OR10A2: variants seen among roughly 807,000 people sequenced by gnomAD.
OR10A2 encodes the protein olfactory receptor 10A2.
In OR10A2, 15 loss-of-function variants were observed where a neutral mutation model predicts 13.7. The ratio of observed to expected loss-of-function variants is 1.10; its 90% CI spans 0.73 to 1.69. The LOEUF (loss-of-function observed/expected upper bound fraction) is 1.69, where lower values mean the gene tolerates loss of function less well. Ranked by LOEUF, OR10A2 falls within the 40% of genes most tolerant of loss-of-function variation. OR10A2 has a pLI of 0.00. For missense variants in OR10A2, 343 were observed against 361.1 expected (o/e 0.95, Z 0.41); for synonymous variants, 145 against 144.7 (o/e 1.00, Z -0.02).
intron 1 of OR10A2, among the ~76,000 whole-genome samples, chr11:6,864,289 T>TA (rs1383386163): frequency 1.4e-5 from 2 of 143,398 alleles, no homozygotes; most frequent in Non-Finnish European, 1.5e-5. Context: ...GGCTTCTAGT[T>TA]AAAGTGCGGT....
chr11:6,871,888 A>C lies in OR10A2; in HGVS notation c.*1222A>C, dbSNP rs1393387328. 1.3e-5 allele frequency: 2 copies of C among 152,196 alleles called. No individual in the cohort carries two copies. The highest frequency in any genetic ancestry group is 2.1e-4 in the South Asian group (1 of 4,826). 9.4% of individuals were successfully genotyped at this position (152,196 alleles called of 1,614,324 possible). ...GTGTACCTGACAAATAGAAATCTAGAAATTGAGTTTCTTGGGCAAAAGTTA... is the reference window on the plus strand; with the variant it reads ...GTGTACCTGACAAATAGAAATCTAGCAATTGAGTTTCTTGGGCAAAAGTTA... On this transcript the variant is annotated 3_prime_UTR_variant, in exon 2 of 2. Coordinates refer to ENST00000641461, the MANE Select transcript of OR10A2 (RefSeq NM_001004460.2).
rs1342281488 is a variant in OR10A2, at chr11:6,869,679, C to A, written c.-76C>A. 4 of 1,212,878 alleles carry A rather than the reference C, an allele frequency of 3.3e-6. No homozygotes were observed. Among genetic ancestry groups the A allele is most frequent in the Admixed American group, 4.0e-5 (2 of 50,458 alleles). 75.1% of individuals were successfully genotyped at this position (1,212,878 alleles called of 1,614,324 possible). ...CTGACTTCCAATCAATAATCTTTCT[C>A]CATGACCACAGTTGGGGACTTCTGC... On this transcript the variant is annotated 5_prime_UTR_variant, in exon 2 of 2. Coordinates refer to ENST00000641461, the MANE Select transcript of OR10A2 (RefSeq NM_001004460.2).
chr11:6,869,567 A>C (rs1257732630), intron 1 of OR10A2, 56 bp from the exon 2 acceptor site: 18 of 629,050 alleles, frequency 2.9e-5, no homozygotes, highest in Non-Finnish European at 4.5e-5. Context: ...TTATTCTTAG[A>C]CAACCCAAGG....
Position 6,870,659 on chromosome 11 carries a change from T to A in OR10A2, c.905T>A (p.Ile302Asn). 2 of 1,570,858 alleles carry A rather than the reference T, an allele frequency of 1.3e-6. No homozygotes were observed. The highest frequency in any genetic ancestry group is 1.7e-6 in the Non-Finnish European group (2 of 1,161,408). Residue 302 changes from isoleucine to asparagine, a missense_variant, in exon 2 of 2, where the codon ATC becomes AAC. Coordinates refer to ENST00000641461, the MANE Select transcript of OR10A2 (RefSeq NM_001004460.2). ...AAGGCCCTAGCCCTCAGAAACTGTA[T>A]CCCATAGACCTTAGGAAGTAAGGCT... ...VSKALALRNC[I>N]P
intron 1 of OR10A2, among the ~76,000 whole-genome samples, chr11:6,865,046 T>C (rs1374593035): frequency 6.9e-6 from 1 of 145,580 alleles, no homozygotes; most frequent in Non-Finnish European, 1.5e-5. Context: ...TGAACATTTA[T>C]GTTCATCTTA....
intron 1 of OR10A2, among the ~76,000 whole-genome samples, chr11:6,867,334 C>T (rs1326728017): frequency 1.3e-5 from 2 of 152,080 alleles, no homozygotes; most frequent in African/African-American, 4.8e-5. Flanking sequence ...GCCTCAGCCT[C>T]CCAAGTAGCT....
chr11:6,869,182 T>C (rs926292967), intron 1 of OR10A2, among the ~76,000 whole-genome samples: 9 of 152,222 alleles, frequency 5.9e-5, no homozygotes, highest in African/African-American at 2.2e-4. Context: ...CATATGTAAA[T>C]GGTCCTCAAT....
chr11:6,865,448 T>C (rs1173306052), intron 1 of OR10A2, among the ~76,000 whole-genome samples: 2 of 152,014 alleles, frequency 1.3e-5, no homozygotes, highest in Non-Finnish European at 2.9e-5. Context: ...AAATACATGC[T>C]TCATAATTGA....
chr11:6,864,043 A>G (rs1000719008), intron 1 of OR10A2, among the ~76,000 whole-genome samples: 5 of 152,184 alleles, frequency 3.3e-5, no homozygotes, highest in African/African-American at 1.2e-4. Flanking sequence ...TCTACTTCCA[A>G]TGTGGCCAGG....
rs1416783556 is a variant in OR10A2 at position 6,865,078 on chromosome 11, T to A, written c.-133+1727T>A. Among the ~76,000 whole-genome samples, 6 of 143,710 alleles carry A rather than the reference T, an allele frequency of 4.2e-5. No homozygotes were observed. The East Asian group carries it at 1.2e-3, about 28-fold the overall frequency. The allele number at this position is 143,710 out of a possible 152,430, so 94.3% of individuals were successfully genotyped here. A position where few individuals can be genotyped will look rare whatever the true frequency, so the allele number is the denominator to read the frequency against. ...CTTAAAATGAATATATATTTCTATATATGATAATATATATGAATAAAAATA... is the reference window on the plus strand; with the variant it reads ...CTTAAAATGAATATATATTTCTATAAATGATAATATATATGAATAAAAATA... On this transcript the variant is annotated intron_variant, in intron 1 of 1. Coordinates refer to ENST00000641461, the MANE Select transcript of OR10A2 (RefSeq NM_001004460.2).
At chr11:6,864,509 T>A (rs1194424043) in intron 1 of OR10A2, among the ~76,000 whole-genome samples, 1 of 152,064 alleles carries the variant, frequency 6.6e-6, no homozygotes. Context: ...GTTTAAAGAG[T>A]GACATATATA....
chr11:6,869,877 G>C lies in OR10A2; in HGVS notation c.123G>C (p.Met41Ile). The C allele has an allele frequency of 6.2e-7, 1 of 1,614,130 alleles. No homozygotes were observed. Among genetic ancestry groups the C allele is most frequent in the South Asian group, 1.1e-5 (1 of 91,088 alleles). The change falls in exon 2 of 2, where the codon ATG (methionine) becomes ATC (isoleucine). Residue 41 changes from methionine to isoleucine, a missense_variant. By Grantham distance (10) the Met-to-Ile change is conservative. Coordinates refer to ENST00000641461, the MANE Select transcript of OR10A2 (RefSeq NM_001004460.2). ...TTCTGGTTACCCTAGCTGACCCCAT[G>C]CTACACAGCCCCATGTACTTCTTCC... The part of the protein sequence containing the change: ...LIILVTLADP[M>I]LHSPMYFFLR...
In OR10A2 at chr11:6,864,180, G is replaced by C. The variant is rs79604030; in HGVS notation, c.-133+829G>C. 3.2e-3 allele frequency among the ~76,000 whole-genome samples: 484 copies of C among 152,192 alleles called. 3 individuals are homozygous for C. Among genetic ancestry groups the C allele is most frequent in the African/African-American group, 0.011 (461 of 41,522 alleles). On this transcript the variant is annotated intron_variant, in intron 1 of 1. Coordinates refer to ENST00000641461, the MANE Select transcript of OR10A2 (RefSeq NM_001004460.2). ...ACGGGGCACTAGCTTTTCTTCCCCA[G>C]TAGTTTTCAGAAGTTCTGTGGAAAT...
At chr11:6,864,592 C>A (rs1359334881) in intron 1 of OR10A2, among the ~76,000 whole-genome samples, 1 of 152,004 alleles carries the variant, frequency 6.6e-6, no homozygotes, top group East Asian at 1.9e-4. Context: ...ATGACTAATC[C>A]TATCTGGAAG....
At position 6,870,267 on chromosome 11, in the gene OR10A2, G is replaced by A; in HGVS notation, c.513G>A (p.Val171=). The change falls in exon 2 of 2, where the codon GTG becomes GTA. Residue 171 remains valine (V), a synonymous_variant. Transcript: ENST00000641461. Reference sequence around the variant, plus strand: ...ACTTCTTCTGTGACAGCCCACCTGTGCTGAGGCTGGTCTGTGCAGACACAG... The same window carrying A: ...ACTTCTTCTGTGACAGCCCACCTGTACTGAGGCTGGTCTGTGCAGACACAG... ...VNHFFCDSPP[V]LRLVCADTAL... 1 of 1,614,202 alleles carries A rather than the reference G, an allele frequency of 6.2e-7. No individual in the cohort carries two copies. Among genetic ancestry groups the A allele is most frequent in the Middle Eastern group, 1.6e-4 (1 of 6,062 alleles).
rs1200643983 is a variant in OR10A2, at chr11:6,871,429, T to C, written c.*763T>C. 1 of 152,218 alleles carries C rather than the reference T, an allele frequency of 6.6e-6. No homozygotes were observed. The highest frequency in any genetic ancestry group is 1.5e-5 in the Non-Finnish European group (1 of 68,028). 9.4% of individuals were successfully genotyped at this position (152,218 alleles called of 1,614,324 possible). A position where few individuals can be genotyped will look rare whatever the true frequency, so the allele number is the denominator to read the frequency against. Reference sequence around the variant, plus strand: ...AAATCTCATGATCTTTCCCAACACATAACTCTCCTCACCATCTTACTTCAT... The same window carrying C: ...AAATCTCATGATCTTTCCCAACACACAACTCTCCTCACCATCTTACTTCAT... On this transcript the variant is annotated 3_prime_UTR_variant, in exon 2 of 2. Coordinates refer to ENST00000641461, the MANE Select transcript of OR10A2 (RefSeq NM_001004460.2).
rs1848429495 is a variant in OR10A2 at position 6,870,997 on chromosome 11, A to AGT, written c.*333_*334dup. 6.8e-6 allele frequency: 1 copy of AGT among 147,728 alleles called. No individual in the cohort carries two copies. Among genetic ancestry groups the AGT allele is most frequent in the African/African-American group, 2.8e-5 (1 of 35,980 alleles). 9.2% of individuals were successfully genotyped at this position (147,728 alleles called of 1,614,324 possible). A position where few individuals can be genotyped will look rare whatever the true frequency, so the allele number is the denominator to read the frequency against. ...AGTCTCGCTCTGTCCCCCAGGCTGGAGTGCAGTGGCGCATCTCTGCTCACT... is the reference window on the plus strand; with the variant it reads ...AGTCTCGCTCTGTCCCCCAGGCTGGAGTGTGCAGTGGCGCATCTCTGCTCACT... On this transcript the variant is annotated 3_prime_UTR_variant, in exon 2 of 2. Transcript: ENST00000641461.
At position 6,870,387 on chromosome 11, in the gene OR10A2, C is replaced by T. The variant is rs61737577; in HGVS notation, c.633C>T (p.Ala211=). ...ILCSYTHIAA[A]ILKIPSAKGK... ...GTTCCTATACTCACATTGCTGCTGC[C>T]ATCCTCAAGATCCCATCAGCTAAAG... is the stretch of plus-strand genomic sequence containing the variant. The change falls in exon 2 of 2, where the codon GCC becomes GCT. Residue 211 remains alanine (A), a synonymous_variant. Transcript: ENST00000641461. 50 of 1,614,100 alleles carry T rather than the reference C, an allele frequency of 3.1e-5. No homozygotes were observed. The highest frequency in any genetic ancestry group is 5.5e-5 in the South Asian group (5 of 91,088).
At position 6,871,976 on chromosome 11, in the gene OR10A2, C is replaced by T. The variant is rs970367310; in HGVS notation, c.*1310C>T. On this transcript the variant is annotated 3_prime_UTR_variant, in exon 2 of 2. Coordinates refer to ENST00000641461, the MANE Select transcript of OR10A2 (RefSeq NM_001004460.2). ...ATCTAGCTCCCCTCTGAACTTATTGCACCATTTTATGCTCCCACCAGCAAT... is the reference window on the plus strand; with the variant it reads ...ATCTAGCTCCCCTCTGAACTTATTGTACCATTTTATGCTCCCACCAGCAAT... 6.6e-6 allele frequency: 1 copy of T among 152,178 alleles called. No homozygotes were observed. The highest frequency in any genetic ancestry group is 2.4e-5 in the African/African-American group (1 of 41,444). The allele number at this position is 152,178 out of a possible 1,614,324, so 9.4% of individuals were successfully genotyped here.
Sources: allele counts gnomAD v4.1 joint callset (sites outside exome capture counted in the v4.1 genomes callset), GRCh38; gene constraint gnomAD v4.1.1; transcripts MANE v1.5; gene names NCBI Gene and HGNC (gene_info 2026-07-23, HGNC 2026-07-21).